The following GRID2 variants were observed in gnomAD, a reference collection of about 807,000 sequenced individuals.
The protein encoded by GRID2 is glutamate receptor ionotropic, delta-2.
Under a neutral mutation model 114.8 loss-of-function variants are expected in GRID2, and 33 were observed. The observed-to-expected ratio is 0.29, with a 90% CI of 0.22 to 0.38. GRID2 has a LOEUF of 0.38. Among genes scored for constraint, GRID2 ranks in the 10% least tolerant of loss-of-function variants. The pLI is 1.00. For missense variants in GRID2, 1,184 were observed against 1,257.7 expected, an observed-to-expected ratio of 0.94 and a Z score of 0.89; for synonymous variants, 505 against 449.9, an observed-to-expected ratio of 1.12 and a Z score of -1.55.
intron 1 of GRID2, among the ~76,000 whole-genome samples, chr4:92,311,406 T>C (rs546174470): frequency 1.3e-5 from 2 of 152,120 alleles, no homozygotes; most frequent in South Asian, 4.1e-4. Context: ...GCTTCTTGAG[T>C]AGATACAGGG....
intron 2 of GRID2, among the ~76,000 whole-genome samples, chr4:92,774,577 CTTTT>C (rs1166044188): frequency 6.1e-3 from 644 of 106,350 alleles, no homozygotes; most frequent in African/African-American, 0.023. Context: ...TTTTTCTTTC[CTTTT>C]TTTTTTTTTT....
chr4:93,247,540 G>GC (rs1748345527), intron 8 of GRID2, among the ~76,000 whole-genome samples: 1 of 151,996 alleles, frequency 6.6e-6, no homozygotes. Flanking sequence ...TGCACCATCA[G>GC]CCCCCCAGTT....
intron 4 of GRID2, among the ~76,000 whole-genome samples, chr4:93,184,770 TACTC>T (rs1397785011): frequency 2.0e-5 from 3 of 152,056 alleles, no homozygotes; most frequent in African/African-American, 4.8e-5. Flanking sequence ...TAATCGCAGA[TACTC>T]AGGAGGCTGA....
intron 2 of GRID2, among the ~76,000 whole-genome samples, chr4:93,012,832 A>C (rs2149234270): frequency 6.6e-6 from 1 of 152,192 alleles, no homozygotes; most frequent in Non-Finnish European, 1.5e-5. Context: ...TGAGAAATTT[A>C]TTATAGCTGA....
intron 2 of GRID2, among the ~76,000 whole-genome samples, chr4:92,851,770 T>C (rs967140620): frequency 3.3e-5 from 5 of 151,898 alleles, no homozygotes; most frequent in African/African-American, 1.2e-4. Flanking sequence ...GAGTACATAA[T>C]ATTGCCTAGT....
In GRID2 at chr4:93,705,894, A is replaced by G. The variant is rs537782116; in HGVS notation, c.2361-63316A>G. On this transcript the variant is annotated intron_variant, in intron 14 of 15. Coordinates refer to ENST00000282020, the MANE Select transcript of GRID2 (RefSeq NM_001510.4). ...TAGGGGTCTAGTTTCATTTTTCTGC[A>G]TATGGATATCCAGTTTTCCCAGCAC... Among the ~76,000 whole-genome samples, 3 of 152,240 alleles carry G rather than the reference A, an allele frequency of 2.0e-5. No homozygotes were observed. The East Asian group carries it at 5.8e-4, about 29-fold the overall frequency.
chr4:92,437,734 A>T (rs1732806013), intron 1 of GRID2, among the ~76,000 whole-genome samples: 1 of 152,228 alleles, frequency 6.6e-6, no homozygotes. Flanking sequence ...CACATTTAAT[A>T]CTTCCTTCTT....
In GRID2 at chr4:92,939,322, T is replaced by C. The variant is rs941707090; in HGVS notation, c.245-145673T>C. Among the ~76,000 whole-genome samples, 7 of 147,954 alleles carry C rather than the reference T, an allele frequency of 4.7e-5. 1 individual carries two copies. In the East Asian group the frequency reaches 8.5e-4, roughly 18 times the overall value. ...GCATTTCTCTGATGGCCAGCGATGA[T>C]GAACATTTTTTCATGTGTCTGTTGG... On this transcript the variant is annotated intron_variant, in intron 2 of 15. Coordinates refer to ENST00000282020, the MANE Select transcript of GRID2 (RefSeq NM_001510.4).
chr4:92,497,594 A>C (rs1723457829), intron 1 of GRID2, among the ~76,000 whole-genome samples: 1 of 151,908 alleles, frequency 6.6e-6, no homozygotes, highest in African/African-American at 2.4e-5. Flanking sequence ...GACATCTTAA[A>C]ATCTAGCTAA....
At chr4:93,403,696 G>A (rs922225121) in intron 9 of GRID2, among the ~76,000 whole-genome samples, 1 of 152,094 alleles carries the variant, frequency 6.6e-6, no homozygotes, top group Non-Finnish European at 1.5e-5. Context: ...AAGCCCACTA[G>A]GATGGCTATA....
intron 14 of GRID2, among the ~76,000 whole-genome samples, chr4:93,710,139 T>A (rs1443032430): frequency 6.6e-6 from 1 of 152,206 alleles, no homozygotes; most frequent in Non-Finnish European, 1.5e-5. Flanking sequence ...TGTTTGTCAA[T>A]GTTTAGGCAT....
chr4:93,513,358 C>T (rs771331001), intron 12 of GRID2, among the ~76,000 whole-genome samples: 1 of 152,130 alleles, frequency 6.6e-6, no homozygotes, highest in Non-Finnish European at 1.5e-5. Context: ...TACAGTTTTA[C>T]TGATACTACT....
intron 2 of GRID2, among the ~76,000 whole-genome samples, chr4:93,002,702 C>T (rs1254025130): frequency 6.6e-6 from 1 of 151,376 alleles, no homozygotes; most frequent in Non-Finnish European, 1.5e-5. Context: ...ATAAACAGAG[C>T]CAATATAAAA....
At chr4:92,528,718 C>T (rs1341522891) in intron 1 of GRID2, among the ~76,000 whole-genome samples, 1 of 151,294 alleles carries the variant, frequency 6.6e-6, no homozygotes, top group Non-Finnish European at 1.5e-5. Context: ...TCTAACTCAG[C>T]TCTCAGACTG....
chr4:92,686,230 G>A (rs1408469734), intron 2 of GRID2, among the ~76,000 whole-genome samples: 1 of 151,808 alleles, frequency 6.6e-6, no homozygotes, highest in Non-Finnish European at 1.5e-5. Context: ...AAATTAAATT[G>A]GCCCCATAGA....
intron 2 of GRID2, among the ~76,000 whole-genome samples, chr4:92,959,110 ATT>A (rs201318761): frequency 9.8e-4 from 37 of 37,932 alleles, no homozygotes; most frequent in African/African-American, 3.5e-3. Flanking sequence ...GATTTTATTG[ATT>A]TTTTTTTTTT....
At chr4:93,310,402 A>G (rs1285302186) in intron 8 of GRID2, among the ~76,000 whole-genome samples, 2 of 151,872 alleles carry the variant, frequency 1.3e-5, no homozygotes, top group African/African-American at 2.4e-5. Context: ...TTGGTGGCGC[A>G]CTCCTGTAGT....
chr4:93,723,036 A>G (rs1289577986), intron 14 of GRID2, among the ~76,000 whole-genome samples: 1 of 152,168 alleles, frequency 6.6e-6, no homozygotes. Flanking sequence ...TACTGTTTTT[A>G]TGATTTTCTC....
chr4:92,812,131 G>T (rs994329161), intron 2 of GRID2, among the ~76,000 whole-genome samples: 2 of 152,098 alleles, frequency 1.3e-5, no homozygotes, highest in Non-Finnish European at 2.9e-5. Flanking sequence ...TTTAGCAATA[G>T]CTTATTAGGA....
Sources: gnomAD v4.1 joint callset for allele counts (sites outside exome capture counted in the v4.1 genomes callset) on GRCh38, gnomAD v4.1.1 for gene constraint, MANE v1.5 for transcripts, NCBI Gene and HGNC (gene_info 2026-07-23, HGNC 2026-07-21) for gene names.